Variants in DNAJC10 observed in about 807,000 individuals in gnomAD.
DNAJC10 encodes endoplasmic reticulum disulfide reductase DNAJC10.
A neutral mutation model predicts 115.0 loss-of-function variants in DNAJC10; 101 were observed. The observed-to-expected ratio is 0.88, with a 90% CI of 0.75 to 1.04. The LOEUF is 1.04. Among genes scored for constraint, DNAJC10 ranks in the 50% least tolerant of loss-of-function variants. DNAJC10 has a pLI of 0.00. For missense variants in DNAJC10, 981 were observed against 928.8 expected (o/e 1.06, Z -0.73); for synonymous variants, 307 against 301.5 (o/e 1.02, Z -0.19).
chr2:182,780,014 A>AAATT lies in DNAJC10; in HGVS notation c.*2885_*2888dup, dbSNP rs1044982935. 2.0e-5 allele frequency: 3 copies of AAATT among 152,198 alleles called. No individual in the cohort carries two copies. The highest frequency in any genetic ancestry group is 4.8e-5 in the African/African-American group (2 of 41,436). 9.4% of individuals were successfully genotyped at this position (152,198 alleles called of 1,614,324 possible). Reference sequence around the variant, plus strand: ...GACTGTTAAGAAATAATAAAAGATTAAATTAACAAAATGCATTTTAAATTT... The same window carrying AAATT: ...GACTGTTAAGAAATAATAAAAGATTAAATTAATTAACAAAATGCATTTTAAATTT... On this transcript the variant is annotated 3_prime_UTR_variant, in exon 24 of 24. Transcript: ENST00000264065.
In DNAJC10 at chr2:182,728,989, G is replaced by A; in HGVS notation, c.628G>A (p.Gly210Arg). Residue 210 changes from glycine to arginine, a missense_variant, in exon 7 of 24, where the codon GGA becomes AGA. Coordinates refer to ENST00000264065, the MANE Select transcript of DNAJC10 (RefSeq NM_018981.4). ...SYPSLFIFRS[G>R]MAPVKYHGDR... ...TCCCAGCCTCTTCATTTTTCGGTCT[G>A]GAATGGTAAGGGATAAAGTTAGCAT... 4 of 1,613,846 alleles carry A rather than the reference G, an allele frequency of 2.5e-6. No individual in the cohort carries two copies. Among genetic ancestry groups the A allele is most frequent in the Non-Finnish European group, 3.4e-6 (4 of 1,179,854 alleles).
intron 1 of DNAJC10, 66 bp downstream of exon 1, chr2:182,716,549 A>T (rs984408097): frequency 1.3e-5 from 2 of 152,284 alleles, no homozygotes; most frequent in African/African-American, 2.4e-5. Flanking sequence ...CCGGTCAGGG[A>T]GGGGCGGAAT....
intron 5 of DNAJC10, among the ~76,000 whole-genome samples, chr2:182,726,413 A>G (rs1232738351): frequency 1.3e-5 from 2 of 152,188 alleles, no homozygotes; most frequent in African/African-American, 4.8e-5. Flanking sequence ...AACAATGTTG[A>G]TATGACAACA....
chr2:182,720,157 C>T lies in DNAJC10; in HGVS notation c.355C>T (p.Arg119Cys), dbSNP rs763803228. The change falls in exon 4 of 24, where the codon CGT becomes TGT. Residue 119 changes from arginine to cysteine, a missense_variant. By Grantham distance (180) the Arg-to-Cys change is radical. Transcript: ENST00000264065. ...GGQYESWNYYRYDFGIYDDDP... is the reference protein window; with the variant it reads ...GGQYESWNYYCYDFGIYDDDP... ...CCAGTATGAAAGCTGGAACTATTAT[C>T]GTTATGATTTTGGTAAGGTGATACG... The T allele has an allele frequency of 3.7e-6, 6 of 1,606,262 alleles. No individual in the cohort carries two copies. The highest frequency in any genetic ancestry group is 2.2e-5 in the South Asian group (2 of 89,402).
chr2:182,752,515 A>AT (rs1398261522), intron 16 of DNAJC10: 6 of 680,364 alleles, frequency 8.8e-6, no homozygotes, highest in Non-Finnish European at 1.1e-5. Context: ...ACATTTTATA[A>AT]TTTTTTTCCT....
chr2:182,733,781 T>C (rs1180477128), intron 10 of DNAJC10, among the ~76,000 whole-genome samples: 1 of 90,270 alleles, frequency 1.1e-5, no homozygotes, highest in Non-Finnish European at 2.5e-5. Flanking sequence ...CCAATCTCTC[T>C]CAGATAGATA....
chr2:182,750,732 G>GT (rs1157638655), intron 14 of DNAJC10, among the ~76,000 whole-genome samples: 3 of 152,166 alleles, frequency 2.0e-5, no homozygotes, highest in Non-Finnish European at 2.9e-5. Context: ...TAACACAGCG[G>GT]TAAGAGTTTG....
In DNAJC10 at chr2:182,737,645, A is replaced by G. The variant is rs958331741; in HGVS notation, c.987+1259A>G. Among the ~76,000 whole-genome samples the G allele has an allele frequency of 3.3e-5, 5 of 152,158 alleles. No homozygotes were observed. In the South Asian group the frequency reaches 6.2e-4, roughly 19 times the overall value. ...CTTGTGTATGTATATGTGTGTGTGT[A>G]CATACTTACATATCACTGCTCATTC... On this transcript the variant is annotated intron_variant, in intron 11 of 23. Transcript: ENST00000264065.
chr2:182,748,522 G>A (rs1377472472), intron 14 of DNAJC10, among the ~76,000 whole-genome samples: 1 of 152,190 alleles, frequency 6.6e-6, no homozygotes, highest in African/African-American at 2.4e-5. Flanking sequence ...TTGCGTAGAG[G>A]TGTTTGTAGT....
chr2:182,718,168 A>G lies in DNAJC10; in HGVS notation c.82A>G (p.Ile28Val). 1.2e-6 allele frequency: 2 copies of G among 1,613,666 alleles called. No homozygotes were observed. The highest frequency in any genetic ancestry group is 1.7e-6 in the Non-Finnish European group (2 of 1,179,832). Residue 28 changes from isoleucine (I) to valine (V), a missense_variant, in exon 3 of 24, where the codon ATT becomes GTT. Ile to Val is a conservative substitution (Grantham distance 29). Coordinates refer to ENST00000264065, the MANE Select transcript of DNAJC10 (RefSeq NM_018981.4). ...CTGTTTTCTGATAGTGTATATGGCC[A>G]TTTTAGTGGGCACAGATCAGGATTT... is the stretch of plus-strand genomic sequence containing the variant. ...ILCFLIVYMA[I>V]LVGTDQDFYS...
intron 21 of DNAJC10, among the ~76,000 whole-genome samples, chr2:182,761,429 C>CA (rs1352409422): frequency 1.3e-5 from 2 of 152,112 alleles, no homozygotes; most frequent in African/African-American, 4.8e-5. Flanking sequence ...TGTGCCCTAA[C>CA]ACAAGTTAGT....
Position 182,757,702 on chromosome 2 carries a change from G to A in DNAJC10, c.1820G>A (p.Gly607Glu). 2 of 1,564,608 alleles carry A rather than the reference G, an allele frequency of 1.3e-6. No individual in the cohort carries two copies. The highest frequency in any genetic ancestry group is 1.7e-6 in the Non-Finnish European group (2 of 1,160,470). Residue 607 changes from glycine (G) to glutamate (E), a missense_variant, in exon 19 of 24, where the codon GGA becomes GAA. By Grantham distance (98) the Gly-to-Glu change is moderately conservative. Coordinates refer to ENST00000264065, the MANE Select transcript of DNAJC10 (RefSeq NM_018981.4). The stretch of plus-strand genomic sequence containing the variant: ...TTTTTTCTTTTACAGACATTAACTG[G>A]ACTGATCAACGTGGGCAGTATAGAT... ...EWKRMARTLT[G>E]LINVGSIDCQ...
At chr2:182,726,304 A>G (rs187329927) in intron 5 of DNAJC10, among the ~76,000 whole-genome samples, 2 of 152,316 alleles carry the variant, frequency 1.3e-5, no homozygotes, top group African/African-American at 4.8e-5. Flanking sequence ...TTATCTCATT[A>G]TAATAATCTC....
intron 22 of DNAJC10, among the ~76,000 whole-genome samples, chr2:182,768,363 C>T (rs2105699088): frequency 6.6e-6 from 1 of 152,196 alleles, no homozygotes; most frequent in Non-Finnish European, 1.5e-5. Context: ...TGAGCAGTTA[C>T]AAGAGTTAAC....
chr2:182,743,712 G>A lies in DNAJC10; in HGVS notation c.1306G>A (p.Gly436Arg). The A allele has an allele frequency of 3.2e-6, 5 of 1,561,102 alleles. No homozygotes were observed. The highest frequency in any genetic ancestry group is 4.4e-6 in the Non-Finnish European group (5 of 1,147,814). ...QGTKEYEIHH[G>R]KKILYDILAF... The stretch of plus-strand genomic sequence containing the variant: ...AACCAAAGAATATGAAATTCATCAT[G>A]GTAAGAATGGAAAAAAATGATAAAA... Residue 436 changes from glycine (G) to arginine (R), a missense_variant and splice_region_variant, in exon 14 of 24, where the codon GGA becomes AGA. By Grantham distance (125) the Gly-to-Arg change is moderately radical. Transcript: ENST00000264065.
Position 182,785,364 on chromosome 2 carries a change from A to G in DNAJC10, c.*8232A>G, listed in dbSNP as rs1694927537. 1 of 152,104 alleles carries G rather than the reference A, an allele frequency of 6.6e-6. No individual in the cohort carries two copies. The highest frequency in any genetic ancestry group is 1.5e-5 in the Non-Finnish European group (1 of 67,994). 9.4% of individuals were successfully genotyped at this position (152,104 alleles called of 1,614,324 possible). On this transcript the variant is annotated 3_prime_UTR_variant, in exon 24 of 24. Transcript: ENST00000264065. ...AGTACTCCTTTGTGAAATAAGACAC[A>G]TAGTCTTCAGGTAAAAAGAAAGAGC...
rs192497227 is a variant in DNAJC10, at chr2:182,756,235, C to T, written c.1654-79C>T. The T allele has an allele frequency of 1.2e-5, 15 of 1,219,900 alleles. No individual in the cohort carries two copies. The East Asian group carries it at 3.9e-4, about 32-fold the overall frequency. 75.6% of individuals were successfully genotyped at this position (1,219,900 alleles called of 1,614,324 possible). ...GTATTTTGGATAAGAGATACTCAAC[C>T]TGTACCAACAATTTGCCAGGAATAT... is the stretch of plus-strand genomic sequence containing the variant. On this transcript the variant is annotated intron_variant, in intron 17 of 23. Transcript: ENST00000264065.
chr2:182,723,102 C>T (rs1321315464), intron 5 of DNAJC10, among the ~76,000 whole-genome samples: 1 of 135,694 alleles, frequency 7.4e-6, no homozygotes, highest in Non-Finnish European at 1.5e-5. Context: ...TGCAGTGGCA[C>T]GATCTTGGCT....
rs1435761625 is a variant in DNAJC10, at chr2:182,779,574, A to ATCTC, written c.*2444_*2447dup. ...AGCCTGGGCAACATAGCAAGACCCC[A>ATCTC]TCTCTAATAAATAAATTATGTTTTG... On this transcript the variant is annotated 3_prime_UTR_variant, in exon 24 of 24. Transcript: ENST00000264065. 2.6e-5 allele frequency: 4 copies of ATCTC among 152,298 alleles called. No individual in the cohort carries two copies. In the East Asian group the frequency reaches 5.8e-4, roughly 22 times the overall value. The allele number at this position is 152,298 out of a possible 1,614,324, so 9.4% of individuals were successfully genotyped here.
Sources: gnomAD v4.1 joint callset for allele counts (sites outside exome capture counted in the v4.1 genomes callset) on GRCh38, gnomAD v4.1.1 for gene constraint, MANE v1.5 for transcripts, NCBI Gene and HGNC (gene_info 2026-07-23, HGNC 2026-07-21) for gene names.